Variants in NLK observed in about 807,000 individuals in gnomAD.
The protein encoded by NLK is nemo like kinase, also known as serine/threonine-protein kinase NLK.
Under a neutral mutation model 59.0 loss-of-function variants are expected in NLK, and 11 were observed. The ratio of observed to expected loss-of-function variants is 0.19; its 90% CI spans 0.12 to 0.31. The LOEUF (loss-of-function observed/expected upper bound fraction) is 0.31. Ranked by LOEUF, NLK falls within the 10% of genes least tolerant of loss-of-function variation. The pLI is 1.00. For synonymous variants in NLK, 235 were observed against 235.9 expected (o/e 1.00, Z 0.03); for missense variants, 410 against 661.1 (o/e 0.62, Z 4.16).
chr17:28,083,419 A>G (rs953231068), intron 1 of NLK, among the ~76,000 whole-genome samples: 1 of 152,222 alleles, frequency 6.6e-6, no homozygotes, highest in Non-Finnish European at 1.5e-5. Context: ...TTGCTGTTAT[A>G]TCACATTCAG....
chr17:28,136,647 A>G (rs893153904), intron 3 of NLK, among the ~76,000 whole-genome samples: 10 of 152,198 alleles, frequency 6.6e-5, no homozygotes, highest in Non-Finnish European at 1.2e-4. Context: ...TTTTTTGCCC[A>G]GGCTGGAATA....
intron 1 of NLK, among the ~76,000 whole-genome samples, chr17:28,092,079 G>T (rs567216559): frequency 6.6e-6 from 1 of 152,154 alleles, no homozygotes; most frequent in Admixed American, 6.5e-5. Context: ...GCTGCCAAAG[G>T]GCATAACCTC....
At chr17:28,129,030 C>G (rs1017106566) in intron 2 of NLK, among the ~76,000 whole-genome samples, 2 of 152,162 alleles carry the variant, frequency 1.3e-5, no homozygotes, top group African/African-American at 4.8e-5. Flanking sequence ...ACAGGCATAA[C>G]AGTAAATGAA....
At chr17:28,153,258 G>T (rs1191178362) in intron 3 of NLK, among the ~76,000 whole-genome samples, 1 of 148,746 alleles carries the variant, frequency 6.7e-6, no homozygotes, top group Non-Finnish European at 1.5e-5. Context: ...TGTGCAACAA[G>T]AGCGAAATTC....
At chr17:28,172,920 T>A (rs541119874) in intron 7 of NLK, among the ~76,000 whole-genome samples, 1 of 152,288 alleles carries the variant, frequency 6.6e-6, no homozygotes, top group East Asian at 1.9e-4. Context: ...AGCTTTGACC[T>A]CAATGCCATA....
chr17:28,204,913 G>A, the NLK span, among the ~76,000 whole-genome samples: 2 of 152,188 alleles, frequency 1.3e-5, no homozygotes, highest in African/African-American at 4.8e-5. Context: ...AGCCCTTTAT[G>A]AAGAATTCCC....
At chr17:28,064,836 G>A (rs982931515) in intron 1 of NLK, among the ~76,000 whole-genome samples, 1 of 152,188 alleles carries the variant, frequency 6.6e-6, no homozygotes, top group African/African-American at 2.4e-5. Context: ...TAACATAGGG[G>A]TTATAATGGT....
At chr17:28,115,745 CATTT>C (rs1376353154) in intron 1 of NLK, among the ~76,000 whole-genome samples, 1 of 151,932 alleles carries the variant, frequency 6.6e-6, no homozygotes, top group Non-Finnish European at 1.5e-5. Context: ...TACATCTTTC[CATTT>C]ATTCTTTAAT....
intron 2 of NLK, among the ~76,000 whole-genome samples, chr17:28,128,782 C>T (rs1028888447): frequency 6.6e-6 from 1 of 152,140 alleles, no homozygotes; most frequent in African/African-American, 2.4e-5. Flanking sequence ...TACCCAATGA[C>T]CCAGCAATTC....
At chr17:28,093,406 C>T (rs767269376) in intron 1 of NLK, among the ~76,000 whole-genome samples, 1 of 152,186 alleles carries the variant, frequency 6.6e-6, no homozygotes, top group Non-Finnish European at 1.5e-5. Context: ...TCTCCATTAA[C>T]TCTCCCTCGG....
At chr17:28,169,001 T>G (rs1362221418) in intron 6 of NLK, among the ~76,000 whole-genome samples, 1 of 152,186 alleles carries the variant, frequency 6.6e-6, no homozygotes, top group Non-Finnish European at 1.5e-5. Context: ...TTCTCCTGCC[T>G]CAGCCTCCCA....
chr17:28,110,857 T>C (rs1174340012), intron 1 of NLK, among the ~76,000 whole-genome samples: 2 of 152,062 alleles, frequency 1.3e-5, no homozygotes, highest in Admixed American at 6.5e-5. Context: ...GTTTTTGTTT[T>C]TTTTTGAGAC....
At chr17:28,120,996 T>A (rs148670316) in intron 1 of NLK, among the ~76,000 whole-genome samples, 3 of 152,370 alleles carry the variant, frequency 2.0e-5, no homozygotes, top group Non-Finnish European at 2.9e-5. Context: ...TAGTATTGTA[T>A]CTGTTGCAGA....
At chr17:28,197,339 G>A (rs1309430535), downstream of NLK, among the ~76,000 whole-genome samples, 4 of 152,050 alleles carry the variant, frequency 2.6e-5, no homozygotes, top group African/African-American at 9.6e-5. Flanking sequence ...CATGGTGGCG[G>A]GCGCCTATAA....
chr17:28,103,709 CT>C (rs1250236797), intron 1 of NLK, among the ~76,000 whole-genome samples: 1 of 152,068 alleles, frequency 6.6e-6, no homozygotes, highest in African/African-American at 2.4e-5. Context: ...CTCTCCCTGT[CT>C]ATAGTAAGGT....
intron 1 of NLK, among the ~76,000 whole-genome samples, chr17:28,108,888 GC>G: frequency 6.6e-6 from 1 of 152,076 alleles, no homozygotes; most frequent in African/African-American, 2.4e-5. Context: ...AAGATTTTAG[GC>G]CGGGCGCAGT....
chr17:28,106,661 T>C (rs1460824753), intron 1 of NLK, among the ~76,000 whole-genome samples: 2 of 152,224 alleles, frequency 1.3e-5, no homozygotes, highest in Non-Finnish European at 2.9e-5. Flanking sequence ...GTAAATACTT[T>C]TGACGTAAAT....
At chr17:28,123,881 C>A (rs1326038842) in intron 2 of NLK, among the ~76,000 whole-genome samples, 1 of 152,124 alleles carries the variant, frequency 6.6e-6, no homozygotes, top group Admixed American at 6.5e-5. Context: ...GCCTCAAATT[C>A]TTTATATAAT....
intron 1 of NLK, among the ~76,000 whole-genome samples, chr17:28,095,359 T>C (rs1597677086): frequency 6.6e-6 from 1 of 152,200 alleles, no homozygotes; most frequent in East Asian, 1.9e-4. Flanking sequence ...GGCCATGTTA[T>C]CAGATTCGTT....
Sources: gnomAD v4.1 joint callset for allele counts (sites outside exome capture counted in the v4.1 genomes callset) on GRCh38, gnomAD v4.1.1 for gene constraint, MANE v1.5 for transcripts, NCBI Gene and HGNC (gene_info 2026-07-23, HGNC 2026-07-21) for gene names.